The following NRIP1 variants were observed in gnomAD, a reference collection of about 807,000 sequenced individuals.
NRIP1 encodes the protein nuclear receptor-interacting protein 1.
In NRIP1, 28 loss-of-function variants were observed where a neutral mutation model predicts 75.0. The ratio of observed to expected loss-of-function variants is 0.37; its 90% confidence interval spans 0.28 to 0.51. The LOEUF (loss-of-function observed/expected upper bound fraction) is 0.51, where lower values mean the gene tolerates loss of function less well. Ranked by LOEUF, NRIP1 falls within the 20% of genes least tolerant of loss-of-function variation. The pLI, the probability that NRIP1 is intolerant of heterozygous loss-of-function variation, is 0.92. For missense variants in NRIP1, 1,435 were observed against 1,343.7 expected (o/e 1.07, Z -1.06); for synonymous variants, 526 against 487.6 (o/e 1.08, Z -1.04).
intron 3 of NRIP1, among the ~76,000 whole-genome samples, chr21:14,974,053 G>A (rs935249943): frequency 1.4e-4 from 21 of 151,472 alleles, no homozygotes; most frequent in African/African-American, 4.9e-4. Context: ...TTTATCATCT[G>A]GGTCCAAAAG....
chr21:15,008,330 T>C lies in NRIP1; in HGVS notation c.-335+6014A>G, dbSNP rs375563050. ...GGGAAGCCTACTCAATCCTGCAAAA[T>C]AACACATCAACTTCATTTTGTGAAA... On this transcript the variant is annotated intron_variant, in intron 3 of 3. Transcript: ENST00000318948. Among the ~76,000 whole-genome samples the C allele has an allele frequency of 2.6e-5, 4 of 152,108 alleles. No homozygotes were observed. In the South Asian group the frequency reaches 8.3e-4, roughly 32 times the overall value.
chr21:14,961,680 CTGATT>C lies in NRIP1; in HGVS notation c.*3031_*3035del, dbSNP rs981734034. On this transcript the variant is annotated 3_prime_UTR_variant, in exon 4 of 4. Coordinates refer to ENST00000318948, the MANE Select transcript of NRIP1 (RefSeq NM_003489.4). ...TGTCATGTTAGGATGAACATCTGATCTGATTTGTTAAGACATTTTGCCAAATGCAC... is the reference window on the plus strand; with the variant it reads ...TGTCATGTTAGGATGAACATCTGATCTGTTAAGACATTTTGCCAAATGCAC... The C allele has an allele frequency of 1.3e-5, 2 of 152,390 alleles. No homozygotes were observed. The highest frequency in any genetic ancestry group is 2.4e-5 in the African/African-American group (1 of 41,426). The allele number at this position is 152,390 out of a possible 1,614,324, so 9.4% of individuals were successfully genotyped here.
intron 3 of NRIP1, among the ~76,000 whole-genome samples, chr21:15,013,026 G>C (rs1293825722): frequency 1.3e-5 from 2 of 151,922 alleles, no homozygotes; most frequent in East Asian, 3.9e-4. Flanking sequence ...TCAGAAATGG[G>C]GTTCAATATC....
At chr21:15,063,286 C>T (rs562559349) in intron 1 of NRIP1, among the ~76,000 whole-genome samples, 78 of 152,260 alleles carry the variant, frequency 5.1e-4, no homozygotes, top group Admixed American at 3.0e-3. Context: ...ACCGAACTGC[C>T]GGGCAAAACC....
At chr21:14,994,446 T>C (rs1324971725) in intron 3 of NRIP1, among the ~76,000 whole-genome samples, 1 of 152,208 alleles carries the variant, frequency 6.6e-6, no homozygotes. Flanking sequence ...TTTTCTTGAG[T>C]GCTATCTAAC....
At chr21:14,984,735 T>C (rs574008533) in intron 3 of NRIP1, among the ~76,000 whole-genome samples, 1 of 152,326 alleles carries the variant, frequency 6.6e-6, no homozygotes, top group East Asian at 1.9e-4. Context: ...CGAATTTCAT[T>C]GTTGTCTTAT....
intron 2 of NRIP1, among the ~76,000 whole-genome samples, chr21:15,026,346 T>A (rs1264398704): frequency 6.6e-6 from 1 of 152,196 alleles, no homozygotes; most frequent in African/African-American, 2.4e-5. Flanking sequence ...ACGATGCCAC[T>A]GTATCTACTA....
chr21:14,990,573 G>A (rs1034319947), intron 3 of NRIP1, among the ~76,000 whole-genome samples: 1 of 152,198 alleles, frequency 6.6e-6, no homozygotes. Context: ...AAGAAGGTAA[G>A]AGCCAGAGGG....
At chr21:14,983,389 A>T (rs2087300687) in intron 3 of NRIP1, among the ~76,000 whole-genome samples, 1 of 152,166 alleles carries the variant, frequency 6.6e-6, no homozygotes. Context: ...GCAAGGCCCT[A>T]ACTCTCTTCA....
chr21:15,050,818 A>G lies in NRIP1; in HGVS notation c.-537-7244T>C, dbSNP rs1215759139. 8.8e-6 allele frequency: 4 copies of G among 455,960 alleles called. No individual in the cohort carries two copies. The East Asian group carries it at 2.8e-4, about 32-fold the overall frequency. The allele number at this position is 455,960 out of a possible 1,614,324, so 28.2% of individuals were successfully genotyped here. ...CGTGCCTTTCACATGCAAACTAAAC[A>G]ATCCACAGCGATACCTCCTCTACCT... On this transcript the variant is annotated intron_variant, in intron 1 of 3. Transcript: ENST00000318948.
intron 3 of NRIP1, among the ~76,000 whole-genome samples, chr21:15,006,705 C>G (rs1177330896): frequency 6.6e-6 from 1 of 152,168 alleles, no homozygotes; most frequent in Non-Finnish European, 1.5e-5. Flanking sequence ...ACCACACTTT[C>G]ACTCACTTGG....
At chr21:15,037,011 T>C (rs967673593) in intron 2 of NRIP1, among the ~76,000 whole-genome samples, 6 of 152,134 alleles carry the variant, frequency 3.9e-5, no homozygotes, top group South Asian at 2.1e-4. Flanking sequence ...ATTAAGTCTA[T>C]AGTAACTTAT....
chr21:15,026,255 G>A (rs1367113508), intron 2 of NRIP1, among the ~76,000 whole-genome samples: 1 of 152,148 alleles, frequency 6.6e-6, no homozygotes, highest in Non-Finnish European at 1.5e-5. Context: ...TCATAAGATA[G>A]TACACCAATG....
chr21:14,965,964 C>G lies in NRIP1; in HGVS notation c.2229G>C (p.Glu743Asp). ...TCAGTATTTGTTCACTTAAAGCTCT[C>G]TCTGAGTGTTCCTGAGTACTTTCAT... ...LRDESTQEHS[E>D]RALSEQILMV... The change falls in exon 4 of 4, where the codon GAG becomes GAC. Residue 743 changes from glutamate to aspartate, a missense_variant. By Grantham distance (45) the Glu-to-Asp change is conservative. Transcript: ENST00000318948. The G allele has an allele frequency of 6.2e-7, 1 of 1,614,046 alleles. No individual in the cohort carries two copies. Among genetic ancestry groups the G allele is most frequent in the Non-Finnish European group, 8.5e-7 (1 of 1,179,968 alleles).
At chr21:14,976,127 C>G (rs921272331) in intron 3 of NRIP1, among the ~76,000 whole-genome samples, 1 of 152,100 alleles carries the variant, frequency 6.6e-6, no homozygotes, top group Non-Finnish European at 1.5e-5. Flanking sequence ...TGTCCAACTA[C>G]TTAACAATGT....
chr21:14,978,829 AG>A (rs1302256062), intron 3 of NRIP1, among the ~76,000 whole-genome samples: 1 of 152,248 alleles, frequency 6.6e-6, no homozygotes, highest in Non-Finnish European at 1.5e-5. Context: ...GGAGATTTTA[AG>A]TTAAAAATCA....
At chr21:15,015,049 G>A (rs1269987144) in intron 2 of NRIP1, among the ~76,000 whole-genome samples, 1 of 152,018 alleles carries the variant, frequency 6.6e-6, no homozygotes, top group Non-Finnish European at 1.5e-5. Flanking sequence ...GAATCATATG[G>A]TATATCCATA....
chr21:14,978,120 T>C (rs531478652), intron 3 of NRIP1, among the ~76,000 whole-genome samples: 2 of 152,192 alleles, frequency 1.3e-5, no homozygotes, highest in Non-Finnish European at 2.9e-5. Flanking sequence ...AGGAGTAAAA[T>C]AGTGTCATTC....
Position 14,964,936 on chromosome 21 carries a change from T to C in NRIP1, c.3257A>G (p.Asp1086Gly), listed in dbSNP as rs1301385772. The C allele has an allele frequency of 1.2e-6, 2 of 1,613,886 alleles. No homozygotes were observed. Among genetic ancestry groups the C allele is most frequent in the South Asian group, 1.1e-5 (1 of 91,056 alleles). ...TGAAGCCTCCCTCCAAATGTCCTTG[T>C]CTTGTGTTTCTCGACTGGTAACAGA... ...GNSVTSRETQ[D>G]KDIWREASSA... The change falls in exon 4 of 4, where the codon GAC becomes GGC. Residue 1086 changes from aspartate to glycine, a missense_variant. Coordinates refer to ENST00000318948, the MANE Select transcript of NRIP1 (RefSeq NM_003489.4).
Sources: allele counts gnomAD v4.1 joint callset (sites outside exome capture counted in the v4.1 genomes callset), GRCh38; gene constraint gnomAD v4.1.1; transcripts MANE v1.5; gene names NCBI Gene and HGNC (gene_info 2026-07-23, HGNC 2026-07-21).